Variants in CCDC138 observed in about 807,000 individuals in gnomAD.
The protein encoded by CCDC138 is coiled-coil domain containing 138.
In CCDC138, 66 loss-of-function variants were observed where a neutral mutation model predicts 82.3. The ratio of observed to expected loss-of-function variants is 0.80; its 90% CI spans 0.66 to 0.98. The LOEUF is 0.98. Ranked by LOEUF, CCDC138 falls within the 50% of genes least tolerant of loss-of-function variation. The pLI, the probability that CCDC138 is intolerant of heterozygous loss-of-function variation, is 0.00. For missense variants in CCDC138, 816 were observed against 758.9 expected (o/e 1.08, Z -0.88); for synonymous variants, 297 against 265.4 (o/e 1.12, Z -1.16).
intron 7 of CCDC138, among the ~76,000 whole-genome samples, chr2:108,810,130 T>C (rs1004203154): frequency 6.6e-6 from 1 of 152,168 alleles, no homozygotes; most frequent in Admixed American, 6.5e-5. Context: ...TGGATGTCTT[T>C]TATTTCTTTT....
intron 10 of CCDC138, among the ~76,000 whole-genome samples, chr2:108,831,668 A>C (rs535048066): frequency 6.7e-6 from 1 of 148,718 alleles, no homozygotes; most frequent in South Asian, 2.1e-4. Context: ...TATCCCTGGA[A>C]TCTGATTTAG....
intron 9 of CCDC138, among the ~76,000 whole-genome samples, chr2:108,814,580 C>T (rs775956639): frequency 4.6e-5 from 7 of 151,790 alleles, no homozygotes; most frequent in Middle Eastern, 3.4e-3. Flanking sequence ...GGATTGCCAT[C>T]GGCTTAATGT....
chr2:108,871,154 GA>G (rs1279747002), intron 13 of CCDC138, among the ~76,000 whole-genome samples: 2 of 152,028 alleles, frequency 1.3e-5, no homozygotes, highest in Non-Finnish European at 2.9e-5. Flanking sequence ...TACTTTTACA[GA>G]AATGGCATGC....
rs576816775 is a variant in CCDC138 at position 108,786,974 on chromosome 2, C to T, written c.93+59C>T. 2,778 of 1,208,592 alleles carry T rather than the reference C, an allele frequency of 2.3e-3. 8 individuals are homozygous for T. Among genetic ancestry groups the T allele is most frequent in the Non-Finnish European group, 2.5e-3 (2,298 of 917,196 alleles). The allele number at this position is 1,208,592 out of a possible 1,614,324, so 74.9% of individuals were successfully genotyped here. ...CCTGCTGCTGGGGGGCGGCCCGCTC[C>T]GTGCCCCGCGCAGCCGGCCTGGGGG... On this transcript the variant is annotated intron_variant, in intron 1 of 14. Coordinates refer to ENST00000295124, the MANE Select transcript of CCDC138 (RefSeq NM_144978.3).
chr2:108,876,494 A>G lies in CCDC138; in HGVS notation c.*241A>G. The G allele has an allele frequency of 1.0e-5, 3 of 290,134 alleles. No individual in the cohort carries two copies. The allele number at this position is 290,134 out of a possible 1,614,324, so 18.0% of individuals were successfully genotyped here. The stretch of plus-strand genomic sequence containing the variant: ...GCGTTTCTAGAATGTATGACACTGA[A>G]GTGACTTTTTGTAAAAATATATTAG... On this transcript the variant is annotated 3_prime_UTR_variant, in exon 15 of 15. Coordinates refer to ENST00000295124, the MANE Select transcript of CCDC138 (RefSeq NM_144978.3).
intron 10 of CCDC138, among the ~76,000 whole-genome samples, chr2:108,829,997 TAAAA>T (rs902231106): frequency 6.7e-5 from 10 of 149,668 alleles, no homozygotes; most frequent in Non-Finnish European, 1.3e-4. Flanking sequence ...TTATATATAA[TAAAA>T]AGAAGGTGGA....
In CCDC138 at chr2:108,804,916, A is replaced by C; in HGVS notation, c.763A>C (p.Thr255Pro). 1 of 1,565,622 alleles carries C rather than the reference A, an allele frequency of 6.4e-7. No homozygotes were observed. Among genetic ancestry groups the C allele is most frequent in the East Asian group, 2.3e-5 (1 of 43,154 alleles). ...GCATGATGCAGAAGTTGAACACTTA[A>C]CCGAAGTTCTTAAGGAAAAGAATAA... is the stretch of plus-strand genomic sequence containing the variant. Reference protein sequence around the residue: ...EQHDAEVEHLTEVLKEKNKET... With the variant: ...EQHDAEVEHLPEVLKEKNKET... The change falls in exon 7 of 15, where the codon ACC becomes CCC. Residue 255 changes from threonine (T) to proline (P), a missense_variant. Transcript: ENST00000295124.
downstream of CCDC138, among the ~76,000 whole-genome samples, chr2:108,880,185 G>C (rs4420677): frequency 0.91 from 137,328 of 150,338 alleles, 62,759 homozygotes; most frequent in East Asian, 1. Context: ...TCCAGACAGG[G>C]TAACTTAAAA....
At chr2:108,794,479 T>A in intron 4 of CCDC138, 61 bp from the exon 5 acceptor site, 1 of 1,448,316 alleles carries the variant, frequency 6.9e-7, no homozygotes, top group Middle Eastern at 1.8e-4. Flanking sequence ...AAGGTTACTC[T>A]GAGAATATTT....
intron 10 of CCDC138, among the ~76,000 whole-genome samples, chr2:108,835,105 G>A (rs1209364385): frequency 3.9e-5 from 6 of 152,156 alleles, no homozygotes; most frequent in African/African-American, 1.4e-4. Flanking sequence ...TGTTGGAATG[G>A]AGATCTCATC....
At chr2:108,806,743 GAT>G (rs2149713989) in intron 7 of CCDC138, among the ~76,000 whole-genome samples, 1 of 152,340 alleles carries the variant, frequency 6.6e-6, no homozygotes, top group South Asian at 2.1e-4. Context: ...TGAAGAAAAA[GAT>G]ATGTTATTTC....
At chr2:108,879,529 A>T (rs960801302), downstream of CCDC138, among the ~76,000 whole-genome samples, 1 of 152,236 alleles carries the variant, frequency 6.6e-6, no homozygotes, top group Non-Finnish European at 1.5e-5. Flanking sequence ...TGCATATGAC[A>T]GAAACATTAA....
chr2:108,854,673 T>C (rs1364748891), intron 12 of CCDC138, among the ~76,000 whole-genome samples: 1 of 152,184 alleles, frequency 6.6e-6, no homozygotes, highest in Non-Finnish European at 1.5e-5. Context: ...GTTGGTAATT[T>C]GGGCTCAGCT....
downstream of CCDC138, among the ~76,000 whole-genome samples, chr2:108,877,595 A>G (rs528795747): frequency 0.046 from 3,183 of 68,774 alleles, 112 homozygotes; most frequent in East Asian, 0.27. Flanking sequence ...AACTCAGAGT[A>G]TATAGAGATA....
intron 3 of CCDC138, among the ~76,000 whole-genome samples, chr2:108,789,286 A>T (rs963787150): frequency 7.9e-5 from 12 of 151,850 alleles, no homozygotes; most frequent in East Asian, 1.9e-4. Context: ...TTCTTTAAAA[A>T]TTTTTTTTTA....
At chr2:108,857,287 C>T (rs766597945) in intron 13 of CCDC138, among the ~76,000 whole-genome samples, 12 of 151,916 alleles carry the variant, frequency 7.9e-5, no homozygotes, top group Non-Finnish European at 1.5e-4. Context: ...CCATGTTGGC[C>T]AGGATGGTCT....
At chr2:108,843,455 GC>G (rs1689863682) in intron 11 of CCDC138, among the ~76,000 whole-genome samples, 1 of 152,218 alleles carries the variant, frequency 6.6e-6, no homozygotes, top group South Asian at 2.1e-4. Flanking sequence ...ACCGCACCTG[GC>G]CTAGAGTAGG....
intron 10 of CCDC138, among the ~76,000 whole-genome samples, chr2:108,822,628 CT>C (rs1685906826): frequency 6.6e-6 from 1 of 152,068 alleles, no homozygotes; most frequent in Non-Finnish European, 1.5e-5. Context: ...GAAGTGAAAC[CT>C]CAAACCAAGG....
At chr2:108,863,900 T>G (rs1222291132) in intron 13 of CCDC138, among the ~76,000 whole-genome samples, 1 of 152,236 alleles carries the variant, frequency 6.6e-6, no homozygotes, top group Admixed American at 6.5e-5. Flanking sequence ...GCCATATATT[T>G]GCTACTGGTC....
Sources: gnomAD v4.1 joint callset for allele counts (sites outside exome capture counted in the v4.1 genomes callset) on GRCh38, gnomAD v4.1.1 for gene constraint, MANE v1.5 for transcripts, NCBI Gene and HGNC (gene_info 2026-07-23, HGNC 2026-07-21) for gene names.